The following RNF10 variants were observed in gnomAD, a reference collection of about 807,000 sequenced individuals.
RNF10 encodes ring finger protein 10.
RNF10 carries 38 observed loss-of-function variants against 91.4 expected under a neutral mutation model. That is an observed-to-expected ratio of 0.42 (90% CI 0.32 to 0.54). The LOEUF is 0.54. Ranked by LOEUF, RNF10 falls within the 20% of genes least tolerant of loss-of-function variation. The pLI, the probability that RNF10 is intolerant of heterozygous loss-of-function variation, is 0.16. For synonymous variants in RNF10, 364 were observed against 366.3 expected (o/e 0.99, Z 0.07); for missense variants, 945 against 1,012.0 (o/e 0.93, Z 0.90).
chr12:120,552,474 A>G (rs1465880487), intron 2 of RNF10, 25 bp from the exon 3 acceptor site: 1 of 1,597,330 alleles, frequency 6.3e-7, no homozygotes, highest in Non-Finnish European at 8.6e-7. Flanking sequence ...AATCTGAAAT[A>G]CTGATTCATT....
In RNF10 at chr12:120,560,772, G is replaced by T. The variant is rs1477058361; in HGVS notation, c.1014G>T (p.Glu338Asp). 6.2e-7 allele frequency: 1 copy of T among 1,614,026 alleles called. No homozygotes were observed. Among genetic ancestry groups the T allele is most frequent in the African/African-American group, 1.3e-5 (1 of 74,926 alleles). ...CCAAGTTGCTGCTGGCCTCTAAGGA[G>T]CAGGTGCTGCACCGGGTAGTTCTGG... ...QYSKLLLASK[E>D]QVLHRVVLEE... The change falls in exon 7 of 17, where the codon GAG becomes GAT. Residue 338 changes from glutamate (E) to aspartate (D), a missense_variant. Physicochemically the swap from Glu to Asp is conservative, Grantham distance 45. Transcript: ENST00000325954.
At position 120,565,548 on chromosome 12, in the gene RNF10, A is replaced by C. The variant is rs774064611; in HGVS notation, c.1885+19A>C. The C allele has an allele frequency of 3.8e-6, 6 of 1,598,184 alleles. No individual in the cohort carries two copies. The South Asian group carries it at 6.6e-5, about 18-fold the overall frequency. On this transcript the variant is annotated intron_variant, in intron 12 of 16. Transcript: ENST00000325954. ...GGCAAGTGTAAGTTCAGGAACTTTC[A>C]TCTTTGACTAGCACTGCTGTACGTC...
rs1202267533 is a variant in RNF10 at position 120,571,203 on chromosome 12, C to T, written c.2054C>T (p.Thr685Ile). Residue 685 changes from threonine (T) to isoleucine (I), a missense_variant, in exon 14 of 17, where the codon ACC (threonine) becomes ATC (isoleucine). Thr to Ile is a moderately conservative substitution (Grantham distance 89, BLOSUM62 -1). Coordinates refer to ENST00000325954, the MANE Select transcript of RNF10 (RefSeq NM_014868.5). ...SPGSHADFLL[T>I]PLSPTASQGS... is the part of the protein sequence containing the mutation. ...GGTTCCCTTTCAGACTTTCTGCTGA[C>T]CCCTCTGTCACCCACTGCCAGTCAG... 1 of 1,613,408 alleles carries T rather than the reference C, an allele frequency of 6.2e-7. No individual in the cohort carries two copies. The highest frequency in any genetic ancestry group is 2.2e-5 in the East Asian group (1 of 44,880).
At chr12:120,563,156 C>A in intron 8 of RNF10, 86 bp downstream of exon 8, 1 of 1,583,292 alleles carries the variant, frequency 6.3e-7, no homozygotes, top group Non-Finnish European at 8.7e-7. Flanking sequence ...TCTAAACCTT[C>A]TCAAGAGAAG....
Position 120,557,692 on chromosome 12 carries a change from T to C in RNF10, c.967+10T>C. 1 of 1,614,090 alleles carries C rather than the reference T, an allele frequency of 6.2e-7. No homozygotes were observed. The highest frequency in any genetic ancestry group is 8.5e-7 in the Non-Finnish European group (1 of 1,179,960). On this transcript the variant is annotated intron_variant, in intron 6 of 16. Transcript: ENST00000325954. ...CCCATTCATCTAGGAGGTGAGTTCTTTAAATTTTGGGGACAAATAATCCTG... is the reference window on the plus strand; with the variant it reads ...CCCATTCATCTAGGAGGTGAGTTCTCTAAATTTTGGGGACAAATAATCCTG...
rs1400323569 is a variant in RNF10, at chr12:120,566,946, T to G, written c.2007T>G (p.Ile669Met). ...CCGAGGGCCATGGGGCCCTCTCCAT[T>G]TCTCCTCTCAGCAGAAGTCCAGGTT... ...TSTEGHGALS[I>M]SPLSRSPGSH... Residue 669 changes from isoleucine (I) to methionine (M), a missense_variant, in exon 13 of 17, where the codon ATT becomes ATG. By Grantham distance (10) the Ile-to-Met change is conservative (BLOSUM62 1). Coordinates refer to ENST00000325954, the MANE Select transcript of RNF10 (RefSeq NM_014868.5). The G allele has an allele frequency of 6.2e-7, 1 of 1,609,238 alleles. No individual in the cohort carries two copies. Among genetic ancestry groups the G allele is most frequent in the Admixed American group, 1.7e-5 (1 of 58,274 alleles).
At position 120,563,353 on chromosome 12, in the gene RNF10, C is replaced by T. The variant is rs1416289546; in HGVS notation, c.1261C>T (p.Leu421=). ...TTAGAGTTTGCTGCAACAGGGTGTG[C>T]TGGAGTATCTGTCTGCCTTCGATGA... ...ESVFQPRKGV[L]EYLSAFDEET... Residue 421 remains leucine, a synonymous_variant, in exon 9 of 17, where the codon CTG becomes TTG. Transcript: ENST00000325954. The T allele has an allele frequency of 3.1e-6, 5 of 1,609,656 alleles. No homozygotes were observed. The highest frequency in any genetic ancestry group is 4.5e-5 in the East Asian group (2 of 44,882).
rs755483090 is a variant in RNF10 at position 120,563,063 on chromosome 12, C to A, written c.1247C>A (p.Pro416His). The A allele has an allele frequency of 6.2e-7, 1 of 1,614,048 alleles. No individual in the cohort carries two copies. Among genetic ancestry groups the A allele is most frequent in the South Asian group, 1.1e-5 (1 of 91,054 alleles). Residue 416 changes from proline (P) to histidine (H), a missense_variant, in exon 8 of 17, where the codon CCC becomes CAC. Pro to His is a moderately conservative substitution (Grantham distance 77, BLOSUM62 -2). Coordinates refer to ENST00000325954, the MANE Select transcript of RNF10 (RefSeq NM_014868.5). ...APLAKESVFQ[P>H]RKGVLEYLSA... The stretch of plus-strand genomic sequence containing the variant: ...TTGGCGAAGGAGTCTGTTTTTCAAC[C>A]CAGGAAGGTTAGTGTGTTCCTGTTA...
chr12:120,557,328 C>T lies in RNF10; in HGVS notation c.692C>T (p.Pro231Leu), dbSNP rs778352149. Residue 231 changes from proline (P) to leucine (L), a missense_variant, in exon 5 of 17, where the codon CCA (proline) becomes CTA (leucine). Pro to Leu is a moderately conservative substitution (Grantham distance 98). Transcript: ENST00000325954. ...EVPSCPICLY[P>L]PTAAKITRCG... Reference sequence around the variant, plus strand: ...CCATCTTGCCCAATATGCCTCTATCCACCTACTGCAGCCAAGATAACCCGT... The same window carrying T: ...CCATCTTGCCCAATATGCCTCTATCTACCTACTGCAGCCAAGATAACCCGT... The T allele has an allele frequency of 1.9e-6, 3 of 1,614,018 alleles. No homozygotes were observed. The East Asian group carries it at 6.7e-5, about 36-fold the overall frequency.
chr12:120,534,413 T>C lies in RNF10; in HGVS notation c.-399T>C. On this transcript the variant is annotated 5_prime_UTR_variant, in exon 1 of 17. Transcript: ENST00000325954. ...AGGTCGGCCTCGGCCCAGGGGCGAGTATCCGTTGCTGTGTCGGAGACACTA... is the reference window on the plus strand; with the variant it reads ...AGGTCGGCCTCGGCCCAGGGGCGAGCATCCGTTGCTGTGTCGGAGACACTA... 5.8e-6 allele frequency: 1 copy of C among 171,504 alleles called. No individual in the cohort carries two copies. Among genetic ancestry groups the C allele is most frequent in the Non-Finnish European group, 1.2e-5 (1 of 82,044 alleles). 10.6% of individuals were successfully genotyped at this position (171,504 alleles called of 1,614,324 possible).
At chr12:120,541,088 C>G (rs935412749) in intron 1 of RNF10, among the ~76,000 whole-genome samples, 4 of 152,156 alleles carry the variant, frequency 2.6e-5, no homozygotes, top group African/African-American at 9.7e-5. Flanking sequence ...AACTCCCGAC[C>G]TCAGGTGATC....
chr12:120,572,207 T>C (rs979793294), intron 14 of RNF10, among the ~76,000 whole-genome samples: 6 of 150,920 alleles, frequency 4.0e-5, no homozygotes, highest in Admixed American at 2.6e-4. Context: ...GCTGGGACTA[T>C]AGGCGCCTGC....
chr12:120,537,730 A>G (rs560400913), intron 1 of RNF10, among the ~76,000 whole-genome samples: 1 of 152,124 alleles, frequency 6.6e-6, no homozygotes, highest in Admixed American at 6.6e-5. Flanking sequence ...CATGTTTGCC[A>G]CCGCCAGTGT....
chr12:120,557,917 GTGTCTT>G (rs1432146537), intron 6 of RNF10, among the ~76,000 whole-genome samples: 2 of 152,108 alleles, frequency 1.3e-5, no homozygotes, highest in African/African-American at 4.8e-5. Context: ...TTATTACATA[GTGTCTT>G]TCACTGTGCC....
At chr12:120,552,083 CAAAAA>C (rs563764429) in intron 2 of RNF10, among the ~76,000 whole-genome samples, 1 of 86,476 alleles carries the variant, frequency 1.2e-5, no homozygotes, top group African/African-American at 5.1e-5. Flanking sequence ...GACTCTGTCT[CAAAAA>C]AAAAAAAAAA....
chr12:120,538,819 C>T (rs2137123643), intron 1 of RNF10, among the ~76,000 whole-genome samples: 1 of 152,254 alleles, frequency 6.6e-6, no homozygotes, highest in Middle Eastern at 3.4e-3. Context: ...GAAGCACTGC[C>T]CTGGCATTCT....
At chr12:120,559,699 T>A (rs181653093) in intron 6 of RNF10, among the ~76,000 whole-genome samples, 150 of 151,360 alleles carry the variant, frequency 9.9e-4, no homozygotes, top group African/African-American at 3.3e-3. Flanking sequence ...TATTTTTTTT[T>A]AATTTTATTT....
chr12:120,556,675 A>T (rs1874077533), intron 4 of RNF10, among the ~76,000 whole-genome samples: 1 of 151,694 alleles, frequency 6.6e-6, no homozygotes. Context: ...GTTGGAAGTT[A>T]CTGGTAGATT....
In RNF10 at chr12:120,557,740, A is replaced by AAT. The variant is rs540966828; in HGVS notation, c.967+63_967+64dup. On this transcript the variant is annotated intron_variant, in intron 6 of 16. Coordinates refer to ENST00000325954, the MANE Select transcript of RNF10 (RefSeq NM_014868.5). ...CTGGGTACATTCTTTAAGGTGATTGAATATATCTAAGCATCAGAAAGTGAA... is the reference window on the plus strand; with the variant it reads ...CTGGGTACATTCTTTAAGGTGATTGAATATATATCTAAGCATCAGAAAGTGAA... The AAT allele has an allele frequency of 1.2e-4, 186 of 1,578,882 alleles. 1 individual carries two copies. The East Asian group carries it at 3.8e-3, about 32-fold the overall frequency.
Sources: gnomAD v4.1 joint callset for allele counts (sites outside exome capture counted in the v4.1 genomes callset) on GRCh38, gnomAD v4.1.1 for gene constraint, MANE v1.5 for transcripts, NCBI Gene and HGNC (gene_info 2026-07-23, HGNC 2026-07-21) for gene names.